Variants in PDE6A observed in about 807,000 individuals in gnomAD.
The protein encoded by PDE6A is phosphodiesterase 6A, also known as rod cGMP-specific 3',5'-cyclic phosphodiesterase subunit alpha.
A neutral mutation model predicts 106.3 loss-of-function variants in PDE6A; 84 were observed. The ratio of observed to expected loss-of-function variants is 0.79; its 90% CI spans 0.66 to 0.95. PDE6A has a LOEUF of 0.95. Ranked by LOEUF, PDE6A falls within the 40% of genes least tolerant of loss-of-function variation. The probability of loss-of-function intolerance (pLI) is 0.00; values close to 1 mark genes in which losing one functional copy is unlikely to be tolerated. For synonymous variants in PDE6A, 394 were observed against 386.6 expected (o/e 1.02, Z -0.23); for missense variants, 1,052 against 1,084.9 (o/e 0.97, Z 0.43).
chr5:149,907,246 T>C (rs1753226668), intron 7 of PDE6A, 66 bp downstream of exon 7: 1 of 1,202,230 alleles, frequency 8.3e-7, no homozygotes, highest in African/African-American at 1.5e-5. Flanking sequence ...CTTCTTGATC[T>C]GAAATCCTTC....
intron 2 of PDE6A, 102 bp downstream of exon 2, chr5:149,934,464 G>C: frequency 8.9e-7 from 1 of 1,119,530 alleles, no homozygotes; most frequent in South Asian, 1.2e-5. Context: ...CTGTCTTACA[G>C]ATGGGAAAAC....
chr5:149,874,445 G>A lies in PDE6A; in HGVS notation c.2136-6287C>T, dbSNP rs368930973. On this transcript the variant is annotated intron_variant, in intron 17 of 21. Coordinates refer to ENST00000255266, the MANE Select transcript of PDE6A (RefSeq NM_000440.3). ...GGTTACAGCTCAGAAACAGCCAAATGAATGTGATGCATAGACAAAGTTATG... is the reference window on the plus strand; with the variant it reads ...GGTTACAGCTCAGAAACAGCCAAATAAATGTGATGCATAGACAAAGTTATG... Among the ~76,000 whole-genome samples the A allele has an allele frequency of 1.3e-4, 20 of 152,302 alleles. No individual in the cohort carries two copies. The East Asian group carries it at 1.5e-3, about 12-fold the overall frequency.
intron 10 of PDE6A, among the ~76,000 whole-genome samples, chr5:149,897,758 GT>G (rs1250795132): frequency 1.3e-5 from 2 of 151,760 alleles, no homozygotes; most frequent in South Asian, 2.1e-4. Flanking sequence ...TTTTTGTGGG[GT>G]TTTTTTTGGT....
intron 6 of PDE6A, among the ~76,000 whole-genome samples, chr5:149,914,640 C>T (rs1317759779): frequency 7.6e-6 from 1 of 131,090 alleles, no homozygotes; most frequent in Admixed American, 8.7e-5. Context: ...AGTTCCTCTG[C>T]TTTAATCCTT....
chr5:149,876,588 C>G (rs986428523), intron 17 of PDE6A, among the ~76,000 whole-genome samples: 2 of 152,112 alleles, frequency 1.3e-5, no homozygotes, highest in South Asian at 2.1e-4. Context: ...CTGCAAACTC[C>G]GCCTCCCCGG....
chr5:149,936,158 A>AAAGGAAGGAAGGAAGGAAGG (rs151028032), intron 1 of PDE6A, among the ~76,000 whole-genome samples: 8,161 of 130,606 alleles, frequency 0.062, 517 homozygotes, highest in African/African-American at 0.14. Flanking sequence ...TGTCTCTAAA[A>AAAGGAAGGAAGGAAGGAAGG]AAGGAAGGAA....
At chr5:149,931,919 G>A in intron 3 of PDE6A, 2 of 821,612 alleles carry the variant, frequency 2.4e-6, no homozygotes, top group Non-Finnish European at 4.0e-6. Flanking sequence ...CTATAAAATG[G>A]CGTACAATGA....
At chr5:149,883,187 A>G (rs1052456173) in intron 17 of PDE6A, among the ~76,000 whole-genome samples, 14 of 152,242 alleles carry the variant, frequency 9.2e-5, no homozygotes, top group South Asian at 2.1e-4. Context: ...TTCAAATAAC[A>G]TATTTTTTTA....
intron 6 of PDE6A, among the ~76,000 whole-genome samples, chr5:149,909,091 C>T (rs1393892026): frequency 1.3e-5 from 2 of 151,894 alleles, no homozygotes; most frequent in African/African-American, 4.8e-5. Context: ...GAATTCCTGG[C>T]TTTAAGCAAT....
At chr5:149,885,780 G>A (rs145987767) in intron 14 of PDE6A, among the ~76,000 whole-genome samples, 5 of 152,290 alleles carry the variant, frequency 3.3e-5, no homozygotes, top group Admixed American at 1.3e-4. Flanking sequence ...GTCTGAAATG[G>A]GTCCTTAGGG....
chr5:149,884,901 G>T, intron 14 of PDE6A, 34 bp from the exon 15 acceptor site: 1 of 1,514,360 alleles, frequency 6.6e-7, no homozygotes, highest in East Asian at 2.2e-5. Context: ...AATATGGAGT[G>T]GACAATAGAA....
Position 149,863,062 on chromosome 5 carries a change from A to G in PDE6A, c.2506+57T>C. 1.9e-6 allele frequency: 3 copies of G among 1,605,464 alleles called. No individual in the cohort carries two copies. Among genetic ancestry groups the G allele is most frequent in the Non-Finnish European group, 2.6e-6 (3 of 1,172,140 alleles). On this transcript the variant is annotated intron_variant, in intron 21 of 21. Transcript: ENST00000255266. The surrounding 1 kb of genome is among the most constrained non-coding windows in gnomAD (Gnocchi z 4.7). Reference sequence around the variant, plus strand: ...TAAGAGTCTCTGAGGCAGGACGCAGACACTGAGTGCTCAGGGAGTGGGGTG... The same window carrying G: ...TAAGAGTCTCTGAGGCAGGACGCAGGCACTGAGTGCTCAGGGAGTGGGGTG...
chr5:149,936,158 A>AAAGGAAGGAAGGAAGG (rs151028032), intron 1 of PDE6A, among the ~76,000 whole-genome samples: 18,241 of 130,488 alleles, frequency 0.14, 1,644 homozygotes, highest in African/African-American at 0.19. Context: ...TGTCTCTAAA[A>AAAGGAAGGAAGGAAGG]AAGGAAGGAA....
intron 6 of PDE6A, among the ~76,000 whole-genome samples, chr5:149,914,450 C>T (rs527594474): frequency 3.9e-5 from 6 of 152,250 alleles, no homozygotes; most frequent in African/African-American, 1.4e-4. Context: ...TTGTTTTGGA[C>T]AAAGCTCTGC....
chr5:149,869,329 C>CA (rs11316552), intron 17 of PDE6A, among the ~76,000 whole-genome samples: 4,117 of 91,304 alleles, frequency 0.045, 122 homozygotes, highest in Middle Eastern at 0.087. Flanking sequence ...GACTCCATAT[C>CA]AAAAAAAAAA....
rs948427384 is a variant in PDE6A, at chr5:149,860,198, T to C, written c.*697A>G. The C allele has an allele frequency of 2.0e-5, 3 of 152,222 alleles. No homozygotes were observed. Among genetic ancestry groups the C allele is most frequent in the African/African-American group, 7.2e-5 (3 of 41,440 alleles). The allele number at this position is 152,222 out of a possible 1,614,324, so 9.4% of individuals were successfully genotyped here. On this transcript the variant is annotated 3_prime_UTR_variant, in exon 22 of 22. Transcript: ENST00000255266. ...TGAGCCACCACGCCTGGCCAGGATT[T>C]GCCTTTAAACACTTCAGGTAAGAAA... is the stretch of plus-strand genomic sequence containing the variant.
intron 1 of PDE6A, among the ~76,000 whole-genome samples, chr5:149,940,514 T>C (rs2113668717): frequency 6.6e-6 from 1 of 151,872 alleles, no homozygotes; most frequent in East Asian, 1.9e-4. Context: ...CCTTTTTTTT[T>C]TGGAGACAGT....
At chr5:149,881,317 T>C (rs1760913872) in intron 17 of PDE6A, among the ~76,000 whole-genome samples, 2 of 152,138 alleles carry the variant, frequency 1.3e-5, no homozygotes, top group Non-Finnish European at 2.9e-5. Context: ...CACAGCACTA[T>C]TCACAATAGC....
intron 20 of PDE6A, among the ~76,000 whole-genome samples, chr5:149,864,477 A>G (rs2113498565): frequency 6.6e-6 from 1 of 152,080 alleles, no homozygotes; most frequent in East Asian, 1.9e-4. Flanking sequence ...CCTGACCTCA[A>G]ATGATCCACC....
Sources: gnomAD v4.1 joint callset for allele counts (sites outside exome capture counted in the v4.1 genomes callset) on GRCh38, gnomAD v4.1.1 for gene constraint, Gnocchi (gnomAD v3.1) non-coding constraint, MANE v1.5 for transcripts, NCBI Gene and HGNC (gene_info 2026-07-23, HGNC 2026-07-21) for gene names.